The following GRIN2A variants were observed in gnomAD, a reference collection of about 807,000 sequenced individuals.
The protein encoded by GRIN2A is glutamate receptor ionotropic, NMDA 2A.
A neutral mutation model predicts 113.4 loss-of-function variants in GRIN2A; 22 were observed. The observed-to-expected ratio is 0.19, with a 90% CI of 0.14 to 0.28. The LOEUF (loss-of-function observed/expected upper bound fraction) is 0.28. Among genes scored for constraint, GRIN2A ranks in the 10% least tolerant of loss-of-function variants. GRIN2A has a pLI of 1.00. For missense variants in GRIN2A, 1,502 were observed against 1,887.0 expected (o/e 0.80, Z 3.78); for synonymous variants, 827 against 738.4 (o/e 1.12, Z -1.94).
intron 2 of GRIN2A, among the ~76,000 whole-genome samples, chr16:9,999,593 G>A (rs189064566): frequency 2.3e-3 from 350 of 152,196 alleles, no homozygotes; most frequent in Admixed American, 3.9e-3. Context: ...GCCTGTCAGG[G>A]GTTGGGGGCT....
At chr16:9,819,584 C>G (rs1432831951) in intron 10 of GRIN2A, among the ~76,000 whole-genome samples, 1 of 151,810 alleles carries the variant, frequency 6.6e-6, no homozygotes, top group Non-Finnish European at 1.5e-5. Context: ...GTGGTTTCCC[C>G]AAATATTAAC....
chr16:10,148,434 G>T (rs990099670), intron 2 of GRIN2A, among the ~76,000 whole-genome samples: 1 of 152,162 alleles, frequency 6.6e-6, no homozygotes, highest in African/African-American at 2.4e-5. Context: ...AAAGAGTGGA[G>T]CATTCTGTGA....
At chr16:9,849,547 T>C (rs1209986290) in intron 5 of GRIN2A, among the ~76,000 whole-genome samples, 1 of 152,144 alleles carries the variant, frequency 6.6e-6, no homozygotes, top group East Asian at 1.9e-4. Context: ...TCACCTCATA[T>C]TGCTGGTGGA....
intron 2 of GRIN2A, among the ~76,000 whole-genome samples, chr16:10,095,037 C>A (rs2048259442): frequency 6.6e-6 from 1 of 151,840 alleles, no homozygotes; most frequent in South Asian, 2.1e-4. Context: ...AGAGTAGGAC[C>A]CCAGGTTGAT....
At chr16:9,791,457 A>C (rs1316722793) in intron 11 of GRIN2A, among the ~76,000 whole-genome samples, 1 of 152,188 alleles carries the variant, frequency 6.6e-6, no homozygotes, top group Non-Finnish European at 1.5e-5. Flanking sequence ...CCACACTGTC[A>C]TACCATTCCT....
chr16:10,071,430 A>G (rs10518152), intron 2 of GRIN2A, among the ~76,000 whole-genome samples: 13,983 of 152,222 alleles, frequency 0.092, 723 homozygotes, highest in Non-Finnish European at 0.11. Context: ...CGAGCCATGA[A>G]TCTTGTTAAG....
chr16:10,031,629 T>C (rs549083841), intron 2 of GRIN2A: 1 of 152,372 alleles, frequency 6.6e-6, no homozygotes, highest in African/African-American at 2.4e-5. Context: ...TGTAACTTAC[T>C]GCCTGCACTC....
intron 2 of GRIN2A, among the ~76,000 whole-genome samples, chr16:9,968,641 C>G (rs2045609151): frequency 6.6e-6 from 1 of 152,030 alleles, no homozygotes; most frequent in African/African-American, 2.4e-5. Flanking sequence ...GAGTTTTGCT[C>G]TTGTTACCCA....
chr16:10,159,536 T>G (rs1037407966), intron 2 of GRIN2A, among the ~76,000 whole-genome samples: 1 of 152,016 alleles, frequency 6.6e-6, no homozygotes, highest in Non-Finnish European at 1.5e-5. Context: ...CCCCCAAGCA[T>G]GCAAAAGGCA....
chr16:10,172,427 C>G (rs1164698141), intron 2 of GRIN2A, among the ~76,000 whole-genome samples: 1 of 152,224 alleles, frequency 6.6e-6, no homozygotes, highest in African/African-American at 2.4e-5. Flanking sequence ...GCCGTCTTAT[C>G]CAGGAGCAGC....
intron 2 of GRIN2A, among the ~76,000 whole-genome samples, chr16:10,012,840 A>AC (rs1171697813): frequency 6.6e-6 from 1 of 152,218 alleles, no homozygotes; most frequent in South Asian, 2.1e-4. Flanking sequence ...GCTCCATGAG[A>AC]CCCATTTCAG....
chr16:10,003,977 G>T (rs1225337299), intron 2 of GRIN2A, among the ~76,000 whole-genome samples: 1 of 152,138 alleles, frequency 6.6e-6, no homozygotes, highest in Non-Finnish European at 1.5e-5. Flanking sequence ...TTGGAAAAGG[G>T]TAAGAAGGTT....
At chr16:9,915,817 G>A (rs1361176005) in intron 3 of GRIN2A, among the ~76,000 whole-genome samples, 1 of 152,166 alleles carries the variant, frequency 6.6e-6, no homozygotes, top group Non-Finnish European at 1.5e-5. Flanking sequence ...TCTGTTAAAT[G>A]GAGATACTAA....
chr16:10,092,054 C>T (rs2048193480), intron 2 of GRIN2A, among the ~76,000 whole-genome samples: 1 of 152,082 alleles, frequency 6.6e-6, no homozygotes, highest in Non-Finnish European at 1.5e-5. Flanking sequence ...ATAATTAATC[C>T]TCTAACAGCC....
At chr16:9,884,756 T>C (rs1375589411) in intron 4 of GRIN2A, among the ~76,000 whole-genome samples, 2 of 149,270 alleles carry the variant, frequency 1.3e-5, no homozygotes, top group Non-Finnish European at 3.0e-5. Flanking sequence ...ATTTCTTTTT[T>C]TTTTTTTTTT....
chr16:10,056,131 A>T (rs189328682), intron 2 of GRIN2A, among the ~76,000 whole-genome samples: 30 of 152,352 alleles, frequency 2.0e-4, no homozygotes, highest in Non-Finnish European at 3.8e-4. Context: ...CTTAATGAGC[A>T]TTTCCTAAAT....
chr16:9,838,083 A>T (rs1435304768), intron 7 of GRIN2A, among the ~76,000 whole-genome samples: 1 of 152,212 alleles, frequency 6.6e-6, no homozygotes, highest in Non-Finnish European at 1.5e-5. Flanking sequence ...ATTACATATA[A>T]ATGAAGACAG....
intron 2 of GRIN2A, among the ~76,000 whole-genome samples, chr16:10,125,313 C>T (rs1339090184): frequency 1.3e-5 from 2 of 152,000 alleles, no homozygotes; most frequent in South Asian, 2.1e-4. Flanking sequence ...CATTTATTGT[C>T]GAAGAAGCAG....
Position 9,753,526 on chromosome 16 carries a change from A to T in GRIN2A, c.*9623T>A. On this transcript the variant is annotated 3_prime_UTR_variant, in exon 13 of 13. Coordinates refer to ENST00000330684, the MANE Select transcript of GRIN2A (RefSeq NM_001134407.3). ...TTGCCTCAGGAGTTATATACATATC[A>T]GTTTGCACACGAATTTCAATCCCCA... The T allele has an allele frequency of 4.9e-6, 1 of 203,606 alleles. No homozygotes were observed. The highest frequency in any genetic ancestry group is 1.6e-3 in the Middle Eastern group (1 of 616). 12.6% of individuals were successfully genotyped at this position (203,606 alleles called of 1,614,324 possible).
Sources: gnomAD v4.1 joint callset for allele counts (sites outside exome capture counted in the v4.1 genomes callset) on GRCh38, gnomAD v4.1.1 for gene constraint, MANE v1.5 for transcripts, NCBI Gene and HGNC (gene_info 2026-07-23, HGNC 2026-07-21) for gene names.